The following KLHL7 variants were observed in gnomAD, a reference collection of about 807,000 sequenced individuals.
The protein encoded by KLHL7 is kelch like family member 7.
Under a neutral mutation model 67.4 loss-of-function variants are expected in KLHL7, and 44 were observed. The ratio of observed to expected loss-of-function variants is 0.65; its 90% CI spans 0.51 to 0.84. The LOEUF is 0.84. KLHL7 is among the 40% of genes least tolerant of loss of function. The pLI is 0.00. For missense variants in KLHL7, 362 were observed against 718.1 expected (o/e 0.50, Z 5.67); for synonymous variants, 252 against 243.3 (o/e 1.04, Z -0.33).
At chr7:23,170,065 T>G (rs1039003802) in intron 9 of KLHL7, among the ~76,000 whole-genome samples, 2 of 151,860 alleles carry the variant, frequency 1.3e-5, no homozygotes, top group African/African-American at 2.4e-5. Context: ...CCAAAAAAAA[T>G]TAGCCGGGCG....
intron 1 of KLHL7, chr7:23,106,469 C>T: frequency 8.3e-7 from 1 of 1,203,470 alleles, no homozygotes; most frequent in Non-Finnish European, 1.0e-6. Context: ...GAGGATCCTT[C>T]CATTGGCGAG....
rs1562596299 is a variant in KLHL7 at position 23,174,186 on chromosome 7, C to T, written c.1649C>T (p.Thr550Ile). ...GRLGHILEYN[T>I]ETDKWVANSK... The stretch of plus-strand genomic sequence containing the variant: ...TTAGGACACATTCTCGAATATAATA[C>T]CGAAACAGACAAATGGGTTGCCAAC... The change falls in exon 11 of 11, where the codon ACC becomes ATC. Residue 550 changes from threonine to isoleucine, a missense_variant. By Grantham distance (89) the Thr-to-Ile change is moderately conservative. Around this residue, in one of 5 missense-constraint regions of KLHL7, gnomAD observed 136 missense variants for 252.7 expected, o/e 0.54. Transcript: ENST00000339077. 1 of 1,614,018 alleles carries T rather than the reference C, an allele frequency of 6.2e-7. No homozygotes were observed. Among genetic ancestry groups the T allele is most frequent in the Non-Finnish European group, 8.5e-7 (1 of 1,180,016 alleles).
intron 1 of KLHL7, among the ~76,000 whole-genome samples, chr7:23,108,732 A>G (rs942123846): frequency 1.3e-5 from 2 of 152,238 alleles, no homozygotes; most frequent in African/African-American, 2.4e-5. Flanking sequence ...GAAAGTCTGC[A>G]GCACATCGGC....
At chr7:23,137,962 G>C (rs1364753949) in intron 4 of KLHL7, among the ~76,000 whole-genome samples, 1 of 150,796 alleles carries the variant, frequency 6.6e-6, no homozygotes, top group Non-Finnish European at 1.5e-5. Context: ...GACCACTTGA[G>C]GTCGGGAGTT....
At chr7:23,172,281 A>T (rs1181445327) in intron 9 of KLHL7, 2 of 422,628 alleles carry the variant, frequency 4.7e-6, no homozygotes, top group Admixed American at 5.4e-5. Context: ...CCTGTGAATT[A>T]ATATCCTTTA....
chr7:23,131,295 C>T (rs1010227840), intron 4 of KLHL7, among the ~76,000 whole-genome samples: 1 of 152,042 alleles, frequency 6.6e-6, no homozygotes, highest in Non-Finnish European at 1.5e-5. Flanking sequence ...GAAAATTTGG[C>T]CCTTTTTTCC....
chr7:23,113,635 A>G (rs887448209), intron 1 of KLHL7, among the ~76,000 whole-genome samples: 3 of 152,354 alleles, frequency 2.0e-5, no homozygotes, highest in Admixed American at 6.5e-5. Flanking sequence ...GTTCACGACT[A>G]ACCTGGCCAA....
Position 23,106,014 on chromosome 7 carries a change from G to A in KLHL7, c.-13G>A, listed in dbSNP as rs1476187224. ...GCCCGGCGAGCCCCGGGCGTGAACC[G>A]AGCTGAGGGAGGATGGCAGCCTCTG... is the stretch of plus-strand genomic sequence containing the variant. On this transcript the variant is annotated 5_prime_UTR_variant, in exon 1 of 11. Coordinates refer to ENST00000339077, the MANE Select transcript of KLHL7 (RefSeq NM_001031710.3). The A allele has an allele frequency of 1.2e-6, 2 of 1,608,898 alleles. No homozygotes were observed. Among genetic ancestry groups the A allele is most frequent in the Middle Eastern group, 1.7e-4 (1 of 5,882 alleles).
chr7:23,140,594 C>G (rs1478427819), intron 4 of KLHL7, 175 bp from the exon 5 acceptor site: 3 of 681,990 alleles, frequency 4.4e-6, no homozygotes, highest in Non-Finnish European at 2.6e-6. Flanking sequence ...AAAAACCAGT[C>G]TTTTATAAGA....
chr7:23,132,554 A>C (rs752196660), intron 4 of KLHL7, among the ~76,000 whole-genome samples: 1 of 152,208 alleles, frequency 6.6e-6, no homozygotes, highest in South Asian at 2.1e-4. Context: ...ATCCTTTGTC[A>C]GATGAGTAGT....
chr7:23,140,702 A>T, intron 4 of KLHL7, 67 bp from the exon 5 acceptor site: 4 of 1,331,906 alleles, frequency 3.0e-6, no homozygotes, highest in African/African-American at 1.4e-5. Context: ...GTCATGCTTC[A>T]TCTTGAATGT....
chr7:23,158,736 C>T (rs1025997235), intron 7 of KLHL7, among the ~76,000 whole-genome samples: 4 of 152,190 alleles, frequency 2.6e-5, no homozygotes, highest in Admixed American at 2.6e-4. Flanking sequence ...ACACACAGTG[C>T]GTGAGGTGTA....
chr7:23,163,089 G>A (rs1310677890), intron 7 of KLHL7, among the ~76,000 whole-genome samples: 3 of 151,978 alleles, frequency 2.0e-5, no homozygotes, highest in Non-Finnish European at 4.4e-5. Flanking sequence ...TACTTTGAAG[G>A]AAAATATCAC....
rs1312382493 is a variant in KLHL7 at position 23,105,854 on chromosome 7, C to T, written c.-173C>T. The T allele has an allele frequency of 1.0e-6, 1 of 969,488 alleles. No homozygotes were observed. Among genetic ancestry groups the T allele is most frequent in the Admixed American group, 2.1e-5 (1 of 47,750 alleles). The allele number at this position is 969,488 out of a possible 1,614,324, so 60.1% of individuals were successfully genotyped here. On this transcript the variant is annotated 5_prime_UTR_variant, in exon 1 of 11. Coordinates refer to ENST00000339077, the MANE Select transcript of KLHL7 (RefSeq NM_001031710.3). The stretch of plus-strand genomic sequence containing the variant: ...GAGCGTTTCTAAGGGGGCCGCCCGG[C>T]CTTGTCTTTCGGCAGTGGCCGAGCC...
At chr7:23,107,375 G>A (rs1223903217) in intron 1 of KLHL7, among the ~76,000 whole-genome samples, 2 of 152,116 alleles carry the variant, frequency 1.3e-5, no homozygotes, top group African/African-American at 2.4e-5. Context: ...TTTAGCTATT[G>A]CCTGCCTGTA....
chr7:23,118,028 G>A, intron 1 of KLHL7: 4 of 1,580,726 alleles, frequency 2.5e-6, no homozygotes, highest in South Asian at 1.1e-5. Context: ...GCAGTTGACT[G>A]CATGCCTCTT....
In KLHL7 at chr7:23,175,995, T is replaced by G; in HGVS notation, c.*1697T>G. On this transcript the variant is annotated 3_prime_UTR_variant, in exon 11 of 11. Coordinates refer to ENST00000339077, the MANE Select transcript of KLHL7 (RefSeq NM_001031710.3). Reference sequence around the variant, plus strand: ...AAAAAAAAATGTATTATTCAGTGGTTTTTAATATATCCACAGAGTTACGCA... The same window carrying G: ...AAAAAAAAATGTATTATTCAGTGGTGTTTAATATATCCACAGAGTTACGCA... 1 of 151,558 alleles carries G rather than the reference T, an allele frequency of 6.6e-6. No homozygotes were observed. The highest frequency in any genetic ancestry group is 1.9e-4 in the East Asian group (1 of 5,202). 9.4% of individuals were successfully genotyped at this position (151,558 alleles called of 1,614,324 possible).
At chr7:23,110,490 C>T (rs1301558528) in intron 1 of KLHL7, among the ~76,000 whole-genome samples, 1 of 152,198 alleles carries the variant, frequency 6.6e-6, no homozygotes, top group Admixed American at 6.5e-5. Flanking sequence ...TTTAACCTCT[C>T]CAGCTTTTGA....
chr7:23,143,536 T>A (rs936869730), intron 5 of KLHL7, among the ~76,000 whole-genome samples: 1 of 151,898 alleles, frequency 6.6e-6, no homozygotes, highest in Non-Finnish European at 1.5e-5. Flanking sequence ...TGACTGATAG[T>A]TTTTTTTCAG....
Sources: allele counts gnomAD v4.1 joint callset (sites outside exome capture counted in the v4.1 genomes callset), GRCh38; gene constraint gnomAD v4.1.1; regional missense constraint gnomAD v4.1.1; transcripts MANE v1.5; gene names NCBI Gene and HGNC (gene_info 2026-07-23, HGNC 2026-07-21).